SPEF2: variants seen among roughly 807,000 people sequenced by gnomAD.
The protein encoded by SPEF2 is sperm flagellar and cilia associated 2.
Under a neutral mutation model 224.6 loss-of-function variants are expected in SPEF2, and 187 were observed. That is an observed-to-expected ratio of 0.83 (90% CI 0.74 to 0.94). The LOEUF is 0.94. Among genes scored for constraint, SPEF2 ranks in the 40% least tolerant of loss-of-function variants. The probability of loss-of-function intolerance (pLI) is 0.00; values close to 1 mark genes in which losing one functional copy is unlikely to be tolerated. For synonymous variants in SPEF2, 715 were observed against 707.3 expected (o/e 1.01, Z -0.17); for missense variants, 2,170 against 2,135.6 (o/e 1.02, Z -0.32).
rs1434798330 is a variant in SPEF2, at chr5:35,740,147, T to G, written c.3210T>G (p.Phe1070Leu). 1 of 1,614,036 alleles carries G rather than the reference T, an allele frequency of 6.2e-7. No homozygotes were observed. The highest frequency in any genetic ancestry group is 8.5e-7 in the Non-Finnish European group (1 of 1,180,026). The change falls in exon 23 of 37, where the codon TTT (phenylalanine) becomes TTG (leucine). Residue 1070 changes from phenylalanine to leucine, a missense_variant. Phe to Leu is a conservative substitution (Grantham distance 22, BLOSUM62 0). Coordinates refer to ENST00000356031, the MANE Select transcript of SPEF2 (RefSeq NM_024867.4). ...TCTACAGAACAAGTTTCCAGGAGTT[T>G]CTAAAGCGTCCGGATCACAAGCAAG... ...LYEIRTSFQE[F>L]LKRPDHKQDF... is the part of the protein sequence containing the mutation.
chr5:35,724,226 T>G (rs1004533627), intron 20 of SPEF2, among the ~76,000 whole-genome samples: 2 of 152,178 alleles, frequency 1.3e-5, no homozygotes, highest in Non-Finnish European at 2.9e-5. Flanking sequence ...GAGAATATTA[T>G]CTACCCTCCC....
At chr5:35,794,907 C>A (rs1756453708) in intron 32 of SPEF2, among the ~76,000 whole-genome samples, 1 of 152,110 alleles carries the variant, frequency 6.6e-6, no homozygotes, top group South Asian at 2.1e-4. Flanking sequence ...CTCTGCCCTT[C>A]CGCCCTCAGG....
intron 21 of SPEF2, among the ~76,000 whole-genome samples, chr5:35,736,224 C>T (rs1424998534): frequency 1.3e-5 from 2 of 151,980 alleles, no homozygotes; most frequent in East Asian, 3.9e-4. Flanking sequence ...AAAATGGATA[C>T]CCTTTACAGA....
At chr5:35,746,991 G>A (rs2149708714) in intron 23 of SPEF2, among the ~76,000 whole-genome samples, 1 of 152,274 alleles carries the variant, frequency 6.6e-6, no homozygotes, top group East Asian at 1.9e-4. Context: ...AACCCTAAAA[G>A]CTAGAAGGGA....
At chr5:35,737,832 A>T (rs1220074993) in intron 21 of SPEF2, among the ~76,000 whole-genome samples, 1 of 152,188 alleles carries the variant, frequency 6.6e-6, no homozygotes, top group African/African-American at 2.4e-5. Flanking sequence ...TCCCACCAAC[A>T]GTATAAAAGT....
intron 2 of SPEF2, among the ~76,000 whole-genome samples, chr5:35,629,031 T>TA (rs1221509642): frequency 1.3e-5 from 2 of 152,080 alleles, no homozygotes; most frequent in African/African-American, 4.8e-5. Flanking sequence ...TTCTTGCACA[T>TA]ACATTTTTTA....
chr5:35,800,927 A>G (rs1296108620), intron 34 of SPEF2, among the ~76,000 whole-genome samples: 2 of 152,218 alleles, frequency 1.3e-5, no homozygotes, highest in Non-Finnish European at 2.9e-5. Context: ...GTTAAAGTAG[A>G]ATAGTCTGAA....
intron 26 of SPEF2, among the ~76,000 whole-genome samples, chr5:35,765,701 T>C (rs1325028413): frequency 6.6e-6 from 1 of 152,176 alleles, no homozygotes; most frequent in African/African-American, 2.4e-5. Flanking sequence ...CAAGAACATT[T>C]TGGATTTTCA....
intron 8 of SPEF2, among the ~76,000 whole-genome samples, chr5:35,660,068 G>T (rs572072728): frequency 6.6e-6 from 1 of 151,632 alleles, no homozygotes; most frequent in South Asian, 2.1e-4. Context: ...ATTGTGTCTC[G>T]GCCCTTTTAC....
At chr5:35,620,433 C>T (rs909503081) in intron 1 of SPEF2, among the ~76,000 whole-genome samples, 6 of 152,138 alleles carry the variant, frequency 3.9e-5, no homozygotes, top group East Asian at 1.9e-4. Context: ...ATAATGATAC[C>T]TCATCTGGTT....
chr5:35,644,587 C>T (rs955309736), intron 4 of SPEF2, 62 bp downstream of exon 4: 16 of 1,307,878 alleles, frequency 1.2e-5, no homozygotes, highest in African/African-American at 3.0e-5. Context: ...GTGATTTATG[C>T]GTATAGTACA....
chr5:35,692,604 TG>T lies in SPEF2; in HGVS notation c.1780del (p.Val594SerfsTer85). The stretch of plus-strand genomic sequence containing the variant: ...TACAGATACTTTCTATTGACACTCT[TG>T]TCCAAGAAGCTATCCAAGCATTTCA... ...PIQILSIDTL[V>X]QEAIQAFHDN... On this transcript the variant is annotated frameshift_variant, in exon 12 of 37. Transcript: ENST00000356031. LOFTEE classifies it high-confidence loss of function. 6.2e-7 allele frequency: 1 copy of T among 1,613,202 alleles called. No individual in the cohort carries two copies. Among genetic ancestry groups the T allele is most frequent in the Non-Finnish European group, 8.5e-7 (1 of 1,179,410 alleles).
chr5:35,625,405 A>G (rs545058709), intron 1 of SPEF2, among the ~76,000 whole-genome samples: 25 of 152,342 alleles, frequency 1.6e-4, no homozygotes, highest in African/African-American at 5.5e-4. Flanking sequence ...GCCACACTGA[A>G]GATGAAGGAA....
At chr5:35,624,264 A>C (rs1743910585) in intron 1 of SPEF2, among the ~76,000 whole-genome samples, 2 of 152,334 alleles carry the variant, frequency 1.3e-5, no homozygotes, top group Non-Finnish European at 1.5e-5. Flanking sequence ...AGGGCTGAGA[A>C]GATTAGAGGC....
chr5:35,700,685 A>G lies in SPEF2; in HGVS notation c.2331A>G (p.Ala777=), dbSNP rs748141333. The part of the protein sequence containing the change: ...TSKEIPLPSP[A]FDFVILLDVS... ...AAGAAATACCTCTTCCCTCTCCTGC[A>G]TTTGATTTTGTCATATTATTAGATG... The change falls in exon 16 of 37, where the codon GCA becomes GCG. Residue 777 remains alanine, a synonymous_variant. Transcript: ENST00000356031. 4 of 1,613,832 alleles carry G rather than the reference A, an allele frequency of 2.5e-6. No individual in the cohort carries two copies. The highest frequency in any genetic ancestry group is 1.3e-5 in the African/African-American group (1 of 74,924).
chr5:35,789,690 A>T, intron 30 of SPEF2: 1 of 640,798 alleles, frequency 1.6e-6, no homozygotes, highest in Non-Finnish European at 2.8e-6. Flanking sequence ...ATTGTGGCCC[A>T]CAAAGATAAA....
At chr5:35,687,043 T>C (rs1753736142) in intron 10 of SPEF2, among the ~76,000 whole-genome samples, 2 of 152,156 alleles carry the variant, frequency 1.3e-5, no homozygotes, top group South Asian at 2.1e-4. Flanking sequence ...TTTGGTGTTA[T>C]GCTTGGAAAA....
At chr5:35,744,177 G>A (rs771865784) in intron 23 of SPEF2, among the ~76,000 whole-genome samples, 20 of 152,168 alleles carry the variant, frequency 1.3e-4, no homozygotes, top group Non-Finnish European at 2.2e-4. Flanking sequence ...CACCACATAA[G>A]TTGAATGTGG....
At chr5:35,667,843 T>A (rs1285697569) in intron 9 of SPEF2, among the ~76,000 whole-genome samples, 1 of 151,994 alleles carries the variant, frequency 6.6e-6, no homozygotes, top group Non-Finnish European at 1.5e-5. Flanking sequence ...AGTTCAAAAA[T>A]AGGCAAAAGA....
Sources: gnomAD v4.1 joint callset for allele counts (sites outside exome capture counted in the v4.1 genomes callset) on GRCh38, gnomAD v4.1.1 for gene constraint, MANE v1.5 for transcripts, NCBI Gene and HGNC (gene_info 2026-07-23, HGNC 2026-07-21) for gene names.